The following FIBCD1 variants were observed in gnomAD, a reference collection of about 807,000 sequenced individuals.
FIBCD1 encodes fibrinogen C domain-containing protein 1.
In FIBCD1, 47 loss-of-function variants were observed where a neutral mutation model predicts 45.1. The observed-to-expected ratio is 1.04, with a 90% CI of 0.82 to 1.33. The LOEUF (loss-of-function observed/expected upper bound fraction) is 1.33, where lower values mean the gene tolerates loss of function less well. Among genes scored for constraint, FIBCD1 ranks in the 40% most tolerant of loss-of-function variants. The pLI is 0.00. For synonymous variants in FIBCD1, 313 were observed against 308.1 expected, an observed-to-expected ratio of 1.02 and a Z score of -0.17; for missense variants, 653 against 682.2, an observed-to-expected ratio of 0.96 and a Z score of 0.48.
At chr9:130,933,054 C>T (rs1055575578) in intron 1 of FIBCD1, among the ~76,000 whole-genome samples, 3 of 152,368 alleles carry the variant, frequency 2.0e-5, no homozygotes, top group Non-Finnish European at 4.4e-5. Context: ...CACCCAAGCC[C>T]CTCCCTGGTG....
intron 5 of FIBCD1, among the ~76,000 whole-genome samples, chr9:130,910,456 C>A (rs562776679): frequency 6.6e-6 from 1 of 152,240 alleles, no homozygotes. Context: ...AGCGCCACCC[C>A]CTGCTCCACA....
At chr9:130,905,195 C>G (rs761075929) in intron 6 of FIBCD1, 39 bp downstream of exon 6, 2 of 1,585,616 alleles carry the variant, frequency 1.3e-6, no homozygotes, top group Non-Finnish European at 1.7e-6. Flanking sequence ...CCTCCCAGGC[C>G]GCCCCCCTTC....
At position 130,922,004 on chromosome 9, in the gene FIBCD1, C is replaced by T. The variant is rs762642771; in HGVS notation, c.849+1740G>A. ...CACCGGCCGCCTGTGCGGGCCTCCC[C>T]GCGTCCTGCCTCTGCTGGGGACCGC... On this transcript the variant is annotated intron_variant, in intron 4 of 6. Transcript: ENST00000372338. The surrounding 1 kb of genome is among the most constrained non-coding windows in gnomAD (Gnocchi z 4.5). 3.9e-5 allele frequency among the ~76,000 whole-genome samples: 6 copies of T among 152,192 alleles called. No homozygotes were observed. Among genetic ancestry groups the T allele is most frequent in the Non-Finnish European group, 8.8e-5 (6 of 68,016 alleles).
At chr9:130,918,184 G>T (rs933030596) in intron 4 of FIBCD1, among the ~76,000 whole-genome samples, 6 of 152,264 alleles carry the variant, frequency 3.9e-5, no homozygotes, top group Non-Finnish European at 8.8e-5. Flanking sequence ...GTTTTGATGA[G>T]AATTAAATGT....
intron 2 of FIBCD1, 102 bp downstream of exon 2, chr9:130,929,465 G>C: frequency 7.1e-7 from 1 of 1,403,210 alleles, no homozygotes; most frequent in Non-Finnish European, 9.3e-7. Context: ...TGGGGCCTTG[G>C]GGATTAAGTG....
At chr9:130,934,094 G>A (rs2133125238) in intron 1 of FIBCD1, among the ~76,000 whole-genome samples, 1 of 152,306 alleles carries the variant, frequency 6.6e-6, no homozygotes, top group East Asian at 1.9e-4. Context: ...CAGAGCCTGG[G>A]CAGGGGGCTT....
At chr9:130,917,908 C>T (rs947134372) in intron 4 of FIBCD1, among the ~76,000 whole-genome samples, 1 of 152,060 alleles carries the variant, frequency 6.6e-6, no homozygotes, top group Non-Finnish European at 1.5e-5. Flanking sequence ...GGGCTGGCAC[C>T]CAGGAGACCT....
Position 130,902,576 on chromosome 9 carries a change from A to ACC in FIBCD1, c.*1486_*1487dup, listed in dbSNP as rs1831854449. ...CAGTGGGAGGGGAAGGGAGAACGGA[A>ACC]CCCCACACCCCCTAGGCACCTGCCA... On this transcript the variant is annotated 3_prime_UTR_variant, in exon 7 of 7. Transcript: ENST00000372338. 1 of 152,060 alleles carries ACC rather than the reference A, an allele frequency of 6.6e-6. No individual in the cohort carries two copies. The highest frequency in any genetic ancestry group is 1.5e-5 in the Non-Finnish European group (1 of 68,006). The allele number at this position is 152,060 out of a possible 1,614,324, so 9.4% of individuals were successfully genotyped here.
At chr9:130,914,320 A>G (rs10901305) in intron 4 of FIBCD1, among the ~76,000 whole-genome samples, 80,997 of 152,118 alleles carry the variant, frequency 0.53, 23,702 homozygotes, top group African/African-American at 0.78. Context: ...AAGTCAGTGG[A>G]TACGAGGTCA....
intron 4 of FIBCD1, 111 bp from the exon 5 acceptor site, chr9:130,911,999 T>G: frequency 2.1e-6 from 2 of 962,864 alleles, no homozygotes; most frequent in Admixed American, 2.4e-5. Context: ...CAACCTGCCC[T>G]CTCGGGAGGG....
At chr9:130,917,835 G>A (rs542492788) in intron 4 of FIBCD1, among the ~76,000 whole-genome samples, 5 of 152,294 alleles carry the variant, frequency 3.3e-5, no homozygotes, top group East Asian at 1.9e-4. Context: ...ACCCAGGTGC[G>A]CAGGGCTGAG....
At chr9:130,923,661 C>G in intron 4 of FIBCD1, 83 bp downstream of exon 4, 1 of 1,545,314 alleles carries the variant, frequency 6.5e-7, no homozygotes, top group Non-Finnish European at 8.7e-7. Context: ...GGGTAGGAAG[C>G]TGCTCGGAAT....
At chr9:130,923,561 T>A (rs1832298153) in intron 4 of FIBCD1, among the ~76,000 whole-genome samples, 183 bp downstream of exon 4, 1 of 151,880 alleles carries the variant, frequency 6.6e-6, no homozygotes, top group Non-Finnish European at 1.5e-5. Flanking sequence ...GCTCACAGAG[T>A]CCCCTGTTCC....
At chr9:130,923,420 C>T (rs1415174677) in intron 4 of FIBCD1, among the ~76,000 whole-genome samples, 4 of 152,178 alleles carry the variant, frequency 2.6e-5, no homozygotes, top group Admixed American at 6.5e-5. Context: ...GCAACAGGTT[C>T]CTGCTGCCAT....
chr9:130,928,559 A>G (rs1055852540), intron 2 of FIBCD1, among the ~76,000 whole-genome samples: 3 of 152,144 alleles, frequency 2.0e-5, no homozygotes, highest in African/African-American at 7.2e-5. Flanking sequence ...GAGGACTGTA[A>G]TTTCTCCAGC....
At chr9:130,916,838 C>CT (rs1433226359) in intron 4 of FIBCD1, among the ~76,000 whole-genome samples, 1 of 152,264 alleles carries the variant, frequency 6.6e-6, no homozygotes, top group Non-Finnish European at 1.5e-5. Context: ...TGGCCCACGC[C>CT]TGTAATCCCA....
At chr9:130,907,782 C>T (rs944833520) in intron 5 of FIBCD1, among the ~76,000 whole-genome samples, 7 of 151,486 alleles carry the variant, frequency 4.6e-5, no homozygotes, top group Admixed American at 2.6e-4. Context: ...GCCTGTAATC[C>T]CAGCTACTTG....
chr9:130,928,092 G>C (rs1832387499), intron 2 of FIBCD1, among the ~76,000 whole-genome samples: 1 of 152,224 alleles, frequency 6.6e-6, no homozygotes, highest in Admixed American at 6.5e-5. Flanking sequence ...TTAGGAGCAC[G>C]GCTCGCTGCC....
At chr9:130,912,392 CAAAAAAAAA>C (rs61490832) in intron 4 of FIBCD1, among the ~76,000 whole-genome samples, 41 of 75,716 alleles carry the variant, frequency 5.4e-4, no homozygotes, top group Middle Eastern at 0.013. Flanking sequence ...GGCTCTCTCT[CAAAAAAAAA>C]AAAAAAAAAA....
Sources: gnomAD v4.1 joint callset for allele counts (sites outside exome capture counted in the v4.1 genomes callset) on GRCh38, gnomAD v4.1.1 for gene constraint, Gnocchi (gnomAD v3.1) non-coding constraint, MANE v1.5 for transcripts, NCBI Gene and HGNC (gene_info 2026-07-23, HGNC 2026-07-21) for gene names.